SYN3: variants seen among roughly 807,000 people sequenced by gnomAD.
SYN3 encodes the protein synapsin III.
Under a neutral mutation model 65.8 loss-of-function variants are expected in SYN3, and 35 were observed. That is an observed-to-expected ratio of 0.53 (90% CI 0.41 to 0.70). SYN3 has a LOEUF of 0.70. Among genes scored for constraint, SYN3 ranks in the 30% least tolerant of loss-of-function variants. The pLI, the probability that SYN3 is intolerant of heterozygous loss-of-function variation, is 0.00. For synonymous variants in SYN3, 270 were observed against 292.9 expected, an observed-to-expected ratio of 0.92 and a Z score of 0.80; for missense variants, 680 against 749.0, an observed-to-expected ratio of 0.91 and a Z score of 1.08.
chr22:33,002,501 G>A (rs907155251), intron 2 of SYN3, among the ~76,000 whole-genome samples: 8 of 152,072 alleles, frequency 5.3e-5, no homozygotes, highest in East Asian at 3.9e-4. Context: ...AAAATTACCC[G>A]GGCGTGGTGG....
At chr22:32,513,883 G>T in intron 13 of SYN3, 59 bp from the exon 14 acceptor site, 2 of 1,603,394 alleles carry the variant, frequency 1.2e-6, no homozygotes, top group South Asian at 2.2e-5. Context: ...AAAGAAATGG[G>T]TCTTGGGGGC....
At chr22:32,872,737 C>G (rs2048881619) in intron 4 of SYN3, among the ~76,000 whole-genome samples, 1 of 152,112 alleles carries the variant, frequency 6.6e-6, no homozygotes, top group African/African-American at 2.4e-5. Context: ...CCCAGCACCC[C>G]AGGTTCTCCA....
At chr22:32,935,048 T>G (rs1210185825) in intron 3 of SYN3, among the ~76,000 whole-genome samples, 3 of 152,326 alleles carry the variant, frequency 2.0e-5, no homozygotes, top group East Asian at 3.9e-4. Context: ...TTTGGGAATT[T>G]TGGCCTCCAG....
At chr22:32,561,563 G>A (rs1287855556) in intron 7 of SYN3, among the ~76,000 whole-genome samples, 2 of 152,090 alleles carry the variant, frequency 1.3e-5, no homozygotes, top group Non-Finnish European at 2.9e-5. Flanking sequence ...ATGATAATGG[G>A]GGCATCTCTT....
chr22:32,827,275 C>A (rs1000470231), intron 6 of SYN3, among the ~76,000 whole-genome samples: 1 of 152,186 alleles, frequency 6.6e-6, no homozygotes, highest in Non-Finnish European at 1.5e-5. Flanking sequence ...AAAAACAGAG[C>A]CAGGCGTGGC....
At chr22:33,056,721 TC>T (rs1002397107) in intron 1 of SYN3, among the ~76,000 whole-genome samples, 3 of 152,152 alleles carry the variant, frequency 2.0e-5, no homozygotes, top group Non-Finnish European at 4.4e-5. Flanking sequence ...TCCTTTTAAA[TC>T]AGAAAAAGAA....
chr22:32,695,996 T>C (rs557342166), intron 6 of SYN3, among the ~76,000 whole-genome samples: 17 of 152,340 alleles, frequency 1.1e-4, no homozygotes, highest in African/African-American at 4.1e-4. Flanking sequence ...TAGCCTGTTT[T>C]CTTTAGAGTA....
chr22:32,602,033 T>C (rs2858738), intron 6 of SYN3, among the ~76,000 whole-genome samples: 42,172 of 151,848 alleles, frequency 0.28, 7,769 homozygotes, highest in African/African-American at 0.53. Flanking sequence ...ACAATCTCAT[T>C]GTCTAACCAA....
At chr22:32,522,212 C>T (rs903581857) in intron 12 of SYN3, among the ~76,000 whole-genome samples, 5 of 152,130 alleles carry the variant, frequency 3.3e-5, no homozygotes, top group East Asian at 1.9e-4. Flanking sequence ...TCAATGAAAG[C>T]GTTGTTTTTC....
intron 6 of SYN3, among the ~76,000 whole-genome samples, chr22:32,839,636 G>A (rs2047836812): frequency 6.6e-6 from 1 of 152,134 alleles, no homozygotes; most frequent in South Asian, 2.1e-4. Context: ...AAGAAATCAA[G>A]AGTGGCTGAC....
intron 9 of SYN3, among the ~76,000 whole-genome samples, chr22:32,537,319 T>G (rs551185521): frequency 1.3e-5 from 2 of 152,030 alleles, no homozygotes; most frequent in African/African-American, 2.4e-5. Flanking sequence ...ACCACCATGC[T>G]TGGCTAATTT....
intron 6 of SYN3, among the ~76,000 whole-genome samples, chr22:32,750,019 C>T (rs1297152781): frequency 6.6e-6 from 1 of 152,164 alleles, no homozygotes; most frequent in Non-Finnish European, 1.5e-5. Flanking sequence ...GGGTCAATAT[C>T]AAGAGTGGTA....
chr22:32,664,594 T>C (rs2060262773), intron 6 of SYN3, among the ~76,000 whole-genome samples: 1 of 125,038 alleles, frequency 8.0e-6, no homozygotes, highest in Admixed American at 8.0e-5. Context: ...CTTTTTTTTT[T>C]TTTTTTTTTT....
At chr22:33,002,102 A>G (rs133941) in intron 2 of SYN3, among the ~76,000 whole-genome samples, 60,081 of 152,024 alleles carry the variant, frequency 0.4, 12,271 homozygotes, top group Middle Eastern at 0.47. Flanking sequence ...ATCAACCACT[A>G]AGCTCAGAGC....
chr22:32,916,607 C>A (rs1450858577), intron 4 of SYN3, among the ~76,000 whole-genome samples: 3 of 152,132 alleles, frequency 2.0e-5, no homozygotes, highest in African/African-American at 4.8e-5. Context: ...TTTTCCCAGG[C>A]TAGCTGTGCA....
chr22:32,661,520 C>T (rs75942319), intron 6 of SYN3, among the ~76,000 whole-genome samples: 7 of 151,892 alleles, frequency 4.6e-5, no homozygotes, highest in African/African-American at 1.5e-4. Flanking sequence ...TCTTTTTTTT[C>T]TTTCTTTCTT....
chr22:32,953,304 G>A (rs930149194), intron 3 of SYN3, among the ~76,000 whole-genome samples: 1 of 152,172 alleles, frequency 6.6e-6, no homozygotes, highest in Admixed American at 6.5e-5. Flanking sequence ...AGGGGCTGGT[G>A]ACACAGCAGT....
intron 6 of SYN3, among the ~76,000 whole-genome samples, chr22:32,758,425 G>T (rs986990303): frequency 1.3e-4 from 20 of 151,618 alleles, no homozygotes; most frequent in Non-Finnish European, 2.2e-4. Context: ...GGGGAAGACA[G>T]ACCCACCCTT....
chr22:32,690,088 A>T (rs1475674820), intron 6 of SYN3, among the ~76,000 whole-genome samples: 2 of 152,126 alleles, frequency 1.3e-5, no homozygotes, highest in African/African-American at 4.8e-5. Flanking sequence ...AGGCAGAAGA[A>T]TCACTTAAAC....
Sources: gnomAD v4.1 joint callset for allele counts (sites outside exome capture counted in the v4.1 genomes callset) on GRCh38, gnomAD v4.1.1 for gene constraint, MANE v1.5 for transcripts, NCBI Gene and HGNC (gene_info 2026-07-23, HGNC 2026-07-21) for gene names.